PHTF2: variants seen among roughly 807,000 people sequenced by gnomAD.
The protein encoded by PHTF2 is protein PHTF2.
In PHTF2, 60 loss-of-function variants were observed where a neutral mutation model predicts 101.2. That is an observed-to-expected ratio of 0.59 (90% CI 0.48 to 0.73). The LOEUF is 0.73. PHTF2 is among the 30% of genes least tolerant of loss of function. PHTF2 has a pLI of 0.00. For missense variants in PHTF2, 747 were observed against 908.7 expected (o/e 0.82, Z 2.29); for synonymous variants, 311 against 307.3 (o/e 1.01, Z -0.13).
At chr7:77,836,231 T>C (rs1232779808) in intron 1 of PHTF2, among the ~76,000 whole-genome samples, 1 of 151,610 alleles carries the variant, frequency 6.6e-6, no homozygotes, top group Non-Finnish European at 1.5e-5. Flanking sequence ...TCACACTGAA[T>C]AGGTTGAAGA....
At chr7:77,800,037 G>C (rs1320699607) in intron 1 of PHTF2, among the ~76,000 whole-genome samples, 1 of 151,776 alleles carries the variant, frequency 6.6e-6, no homozygotes, top group African/African-American at 2.4e-5. Context: ...AAGAGACTTA[G>C]TATTTGATCT....
chr7:77,896,284 A>G (rs887675869), intron 5 of PHTF2, among the ~76,000 whole-genome samples: 3 of 152,180 alleles, frequency 2.0e-5, no homozygotes, highest in Non-Finnish European at 4.4e-5. Flanking sequence ...TAATCAATTT[A>G]TCTGGCTCAC....
rs543076795 is a variant in PHTF2 at position 77,848,572 on chromosome 7, A to G, written c.46-6161A>G. 4.6e-5 allele frequency among the ~76,000 whole-genome samples: 7 copies of G among 152,192 alleles called. No individual in the cohort carries two copies. The East Asian group carries it at 7.7e-4, about 17-fold the overall frequency. ...AAATGGATTATTAGATTTTTTTCCTATAGAGTTGTTTGAGCTCCTTGTATA... is the reference window on the plus strand; with the variant it reads ...AAATGGATTATTAGATTTTTTTCCTGTAGAGTTGTTTGAGCTCCTTGTATA... On this transcript the variant is annotated intron_variant, in intron 2 of 19. Transcript: ENST00000416283.
exon 14 of PHTF2, chr7:77,940,225 A>C (rs1295246931): frequency 6.2e-7 from 1 of 1,613,868 alleles, no homozygotes; most frequent in East Asian, 2.2e-5. Flanking sequence ...TATGGTTATA[A>C]TAAGTTTTGT....
At chr7:77,864,274 A>C (rs537651039) in intron 3 of PHTF2, among the ~76,000 whole-genome samples, 1 of 152,170 alleles carries the variant, frequency 6.6e-6, no homozygotes, top group East Asian at 1.9e-4. Context: ...ATATTTCTCA[A>C]ATCTGTTGTG....
rs1805536936 is a variant in PHTF2, at chr7:77,940,332, A to G, written c.1740+30A>G. On this transcript the variant is annotated intron_variant, in intron 14 of 19. Coordinates refer to ENST00000416283, the Ensembl canonical transcript of PHTF2. ...GTATAATGTAGACTTCCGAATAAGAATATTTTATCGTTTTCATAATATTAA... is the reference window on the plus strand; with the variant it reads ...GTATAATGTAGACTTCCGAATAAGAGTATTTTATCGTTTTCATAATATTAA... 4 of 1,533,978 alleles carry G rather than the reference A, an allele frequency of 2.6e-6. No homozygotes were observed. In the African/African-American group the frequency reaches 4.2e-5, roughly 16 times the overall value.
intron 3 of PHTF2, among the ~76,000 whole-genome samples, chr7:77,871,596 T>G (rs184696425): frequency 3.9e-4 from 60 of 152,352 alleles, no homozygotes; most frequent in African/African-American, 1.3e-3. Flanking sequence ...TTCCTGAACC[T>G]GTGAATCCTG....
At position 77,900,542 on chromosome 7, in the gene PHTF2, T is replaced by G. The variant is rs1458651138; in HGVS notation, c.217-169T>G. On this transcript the variant is annotated intron_variant, in intron 5 of 19. Coordinates refer to ENST00000416283, the Ensembl canonical transcript of PHTF2. ...ATATCTTTTTGAACAATAATAAAAT[T>G]TATTACAATACTGTAATTGTGTTCT... The G allele has an allele frequency of 1.7e-5, 10 of 577,462 alleles. No individual in the cohort carries two copies. The Admixed American group carries it at 2.6e-4, about 15-fold the overall frequency. The allele number at this position is 577,462 out of a possible 1,614,324, so 35.8% of individuals were successfully genotyped here. A position where few individuals can be genotyped will look rare whatever the true frequency, so the allele number is the denominator to read the frequency against.
At chr7:77,901,457 C>CAGCA (rs111317996) in intron 6 of PHTF2, among the ~76,000 whole-genome samples, 1 of 150,648 alleles carries the variant, frequency 6.6e-6, no homozygotes, top group African/African-American at 2.4e-5. Context: ...GATCCTATCT[C>CAGCA]AACAAACAAA....
intron 9 of PHTF2, among the ~76,000 whole-genome samples, chr7:77,912,803 G>A (rs1802533193): frequency 7.9e-6 from 1 of 126,002 alleles, no homozygotes; most frequent in African/African-American, 3.0e-5. Context: ...CGTGATCATG[G>A]CTCCCTGAAG....
chr7:77,897,105 A>G (rs1252256493), intron 5 of PHTF2, among the ~76,000 whole-genome samples: 2 of 152,070 alleles, frequency 1.3e-5, no homozygotes, highest in African/African-American at 4.8e-5. Flanking sequence ...TAGACTTTTA[A>G]AGCTTCTTAA....
chr7:77,925,512 T>C (rs1336781213), intron 11 of PHTF2, among the ~76,000 whole-genome samples: 1 of 138,814 alleles, frequency 7.2e-6, no homozygotes, highest in African/African-American at 2.7e-5. Flanking sequence ...TTTTTTTTTT[T>C]TTTTTTTTTT....
At chr7:77,923,320 T>G (rs1320122026) in intron 11 of PHTF2, 1 of 946,412 alleles carries the variant, frequency 1.1e-6, no homozygotes, top group Non-Finnish European at 1.3e-6. Flanking sequence ...ATTTTCAGTT[T>G]CTAATCTAAG....
chr7:77,918,656 C>T lies in PHTF2; in HGVS notation c.777-1623C>T, dbSNP rs1467556005. ...AACTAATGTTTCTATCACTTTCTTT[C>T]CCAGACAGAGGAAGTAACAAGTTTC... On this transcript the variant is annotated intron_variant, in intron 9 of 19. Coordinates refer to ENST00000416283, the Ensembl canonical transcript of PHTF2. 2.6e-5 allele frequency among the ~76,000 whole-genome samples: 4 copies of T among 152,292 alleles called. No homozygotes were observed. In the South Asian group the frequency reaches 6.2e-4, roughly 24 times the overall value.
intron 5 of PHTF2, among the ~76,000 whole-genome samples, chr7:77,899,884 TTTTG>T (rs1005881660): frequency 7.2e-5 from 11 of 152,156 alleles, no homozygotes; most frequent in East Asian, 1.9e-4. Flanking sequence ...TTGCAGTTCT[TTTTG>T]TTTGTTTTCT....
chr7:77,906,258 T>C (rs2150850826), intron 7 of PHTF2: 1 of 152,384 alleles, frequency 6.6e-6, no homozygotes, highest in Middle Eastern at 3.4e-3. Context: ...AGTGCTGAGA[T>C]TACAGGCAGG....
chr7:77,865,676 G>C (rs553429959), intron 3 of PHTF2, among the ~76,000 whole-genome samples: 3 of 152,062 alleles, frequency 2.0e-5, no homozygotes, highest in Non-Finnish European at 4.4e-5. Flanking sequence ...CATTATTTCA[G>C]GGTCTTACTG....
chr7:77,870,582 G>A (rs1332483618), intron 3 of PHTF2, among the ~76,000 whole-genome samples: 1 of 151,982 alleles, frequency 6.6e-6, no homozygotes, highest in Non-Finnish European at 1.5e-5. Flanking sequence ...ATTAAGGGTG[G>A]GTCTGCTTTT....
At chr7:77,923,755 G>T (rs1803700665) in intron 11 of PHTF2, 1 of 984,838 alleles carries the variant, frequency 1.0e-6, no homozygotes, top group Non-Finnish European at 1.2e-6. Flanking sequence ...GGTGCTGGAA[G>T]GGAGACGGAG....
Sources: allele counts gnomAD v4.1 joint callset (sites outside exome capture counted in the v4.1 genomes callset), GRCh38; gene constraint gnomAD v4.1.1; transcripts MANE v1.5; gene names NCBI Gene and HGNC (gene_info 2026-07-23, HGNC 2026-07-21).